The following HTN3 variants were observed in gnomAD, a reference collection of about 807,000 sequenced individuals.
HTN3 encodes histatin-3.
In HTN3, 15 loss-of-function variants were observed where a neutral mutation model predicts 10.6. That is an observed-to-expected ratio of 1.42 (90% CI 0.95 to 2.18). The LOEUF (loss-of-function observed/expected upper bound fraction) is 2.18, where lower values mean the gene tolerates loss of function less well. Ranked by LOEUF, HTN3 falls within the 30% of genes most tolerant of loss-of-function variation. HTN3 has a pLI of 0.00. For synonymous variants in HTN3, 15 were observed against 16.9 expected (o/e 0.89, Z 0.27); for missense variants, 68 against 58.0 (o/e 1.17, Z -0.56).
At chr4:70,029,320 T>C (rs1725319185) in intron 1 of HTN3, among the ~76,000 whole-genome samples, 2 of 152,006 alleles carry the variant, frequency 1.3e-5, no homozygotes, top group South Asian at 2.1e-4. Context: ...TATTAGGTAA[T>C]AGAAAAACTT....
intron 1 of HTN3, 134 bp downstream of exon 1, chr4:70,028,650 G>T (rs1230245143): frequency 6.6e-6 from 1 of 151,846 alleles, no homozygotes; most frequent in Non-Finnish European, 1.5e-5. Context: ...CCATTTATTG[G>T]CATCTGAAGA....
intron 2 of HTN3, 85 bp downstream of exon 2, chr4:70,030,876 T>A (rs1725369786): frequency 9.7e-7 from 1 of 1,033,558 alleles, no homozygotes; most frequent in South Asian, 1.3e-5. Context: ...TGCCATATAT[T>A]CATGTTCACC....
At chr4:70,028,839 G>A (rs1027668817) in intron 1 of HTN3, among the ~76,000 whole-genome samples, 21 of 152,104 alleles carry the variant, frequency 1.4e-4, no homozygotes, top group Admixed American at 1.2e-3. Flanking sequence ...TAAACTTAAT[G>A]TAGAAGTTCA....
At chr4:70,035,256 T>G (rs943668759) in intron 5 of HTN3, among the ~76,000 whole-genome samples, 6 of 152,178 alleles carry the variant, frequency 3.9e-5, no homozygotes, top group Non-Finnish European at 7.4e-5. Context: ...AACCCCTGTG[T>G]TTTTATCCTG....
intron 5 of HTN3, among the ~76,000 whole-genome samples, chr4:70,035,549 T>A (rs905165852): frequency 5.3e-5 from 8 of 152,128 alleles, no homozygotes; most frequent in Non-Finnish European, 1.2e-4. Flanking sequence ...CATGAGAAAT[T>A]TACGTTTTAT....
intron 1 of HTN3, among the ~76,000 whole-genome samples, chr4:70,030,291 T>C (rs944191437): frequency 3.3e-5 from 5 of 152,166 alleles, no homozygotes; most frequent in African/African-American, 1.2e-4. Flanking sequence ...TGTGTTTCCT[T>C]AGCATATTAA....
chr4:70,029,315 G>T (rs940720334), intron 1 of HTN3, among the ~76,000 whole-genome samples: 25 of 151,666 alleles, frequency 1.6e-4, no homozygotes, highest in African/African-American at 6.0e-4. Context: ...TTATCTATTA[G>T]GTAATAGAAA....
At chr4:70,030,556 G>A (rs117901161) in intron 1 of HTN3, among the ~76,000 whole-genome samples, 172 bp from the exon 2 acceptor site, 2,199 of 152,244 alleles carry the variant, frequency 0.014, 24 homozygotes, top group East Asian at 0.033. Context: ...TGGGAGGATG[G>A]CTTGAGCCCA....
At chr4:70,032,151 C>G in intron 4 of HTN3, 44 bp downstream of exon 4, 1 of 1,239,646 alleles carries the variant, frequency 8.1e-7, no homozygotes, top group Non-Finnish European at 1.2e-6. Flanking sequence ...AAGTTTTCTT[C>G]TCTGACTATT....
At chr4:70,031,072 C>G in intron 2 of HTN3, 1 of 273,738 alleles carries the variant, frequency 3.7e-6, no homozygotes, top group Non-Finnish European at 6.8e-6. Context: ...GTGAAAATAT[C>G]TTTAAATATT....
At chr4:70,030,818 A>T (rs779051021) in intron 2 of HTN3, 27 bp downstream of exon 2, 1 of 1,548,862 alleles carries the variant, frequency 6.5e-7, no homozygotes, top group Non-Finnish European at 8.9e-7. Flanking sequence ...GTTTTAAAGG[A>T]TACATTCTCA....
intron 5 of HTN3, among the ~76,000 whole-genome samples, chr4:70,035,516 T>C (rs2109711603): frequency 6.6e-6 from 1 of 152,296 alleles, no homozygotes; most frequent in Non-Finnish European, 1.5e-5. Context: ...TTGGAGAAGC[T>C]GCACAACCGC....
intron 5 of HTN3, among the ~76,000 whole-genome samples, chr4:70,035,475 A>T (rs1301382430): frequency 1.3e-5 from 2 of 152,162 alleles, no homozygotes; most frequent in Non-Finnish European, 2.9e-5. Flanking sequence ...CCTGGTTGTT[A>T]TTTGAAGTTT....
chr4:70,031,414 C>A (rs1467790300), intron 2 of HTN3: 1 of 153,512 alleles, frequency 6.5e-6, no homozygotes, highest in Non-Finnish European at 1.4e-5. Context: ...CCTCTTCTTT[C>A]TATGAAGTTA....
intron 2 of HTN3, chr4:70,031,053 C>A: frequency 3.3e-6 from 1 of 306,940 alleles, no homozygotes; most frequent in South Asian, 4.1e-5. Flanking sequence ...ATATGTGGGA[C>A]TGAGAACTGT....
intron 5 of HTN3, chr4:70,033,866 G>A (rs1448324751): frequency 6.6e-6 from 1 of 151,888 alleles, no homozygotes; most frequent in East Asian, 1.9e-4. Context: ...TATTATCTTT[G>A]TTGCAATTGT....
At chr4:70,032,704 A>G (rs1462951224) in intron 4 of HTN3, among the ~76,000 whole-genome samples, 2 of 152,232 alleles carry the variant, frequency 1.3e-5, no homozygotes, top group African/African-American at 4.8e-5. Flanking sequence ...AAAAGGAATG[A>G]GGACTGTTTG....
Position 70,032,297 on chromosome 4 carries a change from C to T in HTN3, c.102+190C>T, listed in dbSNP as rs113589683. ...ATCTTGTGTTCTAACAGCATTTCAA[C>T]GGAAACTCAATTACACTCTGAATAA... On this transcript the variant is annotated intron_variant, in intron 4 of 5. Coordinates refer to ENST00000673563, the MANE Select transcript of HTN3 (RefSeq NM_000200.3). 1.7e-3 allele frequency among the ~76,000 whole-genome samples: 251 copies of T among 152,082 alleles called. 1 individual carries two copies. The highest frequency in any genetic ancestry group is 5.8e-3 in the African/African-American group (239 of 41,526).
chr4:70,035,731 A>G (rs1725499518), intron 5 of HTN3, among the ~76,000 whole-genome samples: 1 of 152,188 alleles, frequency 6.6e-6, no homozygotes, highest in African/African-American at 2.4e-5. Flanking sequence ...AATATTAAAT[A>G]TTATACTTCA....
Sources: allele counts gnomAD v4.1 joint callset (sites outside exome capture counted in the v4.1 genomes callset), GRCh38; gene constraint gnomAD v4.1.1; transcripts MANE v1.5; gene names NCBI Gene and HGNC (gene_info 2026-07-23, HGNC 2026-07-21).